KIFC3: variants seen among roughly 807,000 people sequenced by gnomAD.
KIFC3 encodes kinesin family member C3.
A neutral mutation model predicts 101.8 loss-of-function variants in KIFC3; 60 were observed. The observed-to-expected ratio is 0.59, with a 90% confidence interval of 0.48 to 0.73. KIFC3 has a LOEUF of 0.73. KIFC3 is among the 30% of genes least tolerant of loss of function. The pLI, the probability that KIFC3 is intolerant of heterozygous loss-of-function variation, is 0.00. For missense variants in KIFC3, 966 were observed against 1,137.1 expected, an observed-to-expected ratio of 0.85 and a Z score of 2.16; for synonymous variants, 476 against 482.7, an observed-to-expected ratio of 0.99 and a Z score of 0.18.
At chr16:57,813,234 A>G in intron 1 of KIFC3, among the ~76,000 whole-genome samples, 1 of 152,134 alleles carries the variant, frequency 6.6e-6, no homozygotes, top group East Asian at 1.9e-4. Flanking sequence ...AGGCTGAGGC[A>G]GGCGAATCAC....
chr16:57,835,857 TGAAA>T (rs1340498613), intron 1 of KIFC3, among the ~76,000 whole-genome samples: 5 of 152,090 alleles, frequency 3.3e-5, no homozygotes, highest in African/African-American at 1.2e-4. Context: ...GGCTAAGGCG[TGAAA>T]ATGGCTTGAA....
At chr16:57,847,867 C>A (rs370304609) in intron 1 of KIFC3, among the ~76,000 whole-genome samples, 6 of 150,840 alleles carry the variant, frequency 4.0e-5, no homozygotes, top group East Asian at 2.0e-4. Context: ...CTCGCTGCAA[C>A]CTCTGCCTCC....
intron 3 of KIFC3, chr16:57,788,547 G>A (rs950719100): frequency 3.0e-5 from 38 of 1,277,758 alleles, no homozygotes; most frequent in Admixed American, 2.6e-4. Context: ...ACTGGGGAGT[G>A]CCGGTTTGGC....
chr16:57,778,361 T>C (rs1237188546), intron 3 of KIFC3, among the ~76,000 whole-genome samples: 1 of 152,042 alleles, frequency 6.6e-6, no homozygotes, highest in Non-Finnish European at 1.5e-5. Context: ...GAGGAGAAAA[T>C]GTCATGACAT....
intron 1 of KIFC3, among the ~76,000 whole-genome samples, chr16:57,844,516 G>A (rs1307325638): frequency 6.6e-6 from 1 of 151,796 alleles, no homozygotes; most frequent in African/African-American, 2.4e-5. Context: ...ATAGCCTCGT[G>A]TCTCTGAGAT....
chr16:57,829,342 C>T (rs1230077971), intron 1 of KIFC3, among the ~76,000 whole-genome samples: 3 of 152,182 alleles, frequency 2.0e-5, no homozygotes, highest in African/African-American at 7.2e-5. Context: ...CAGCCTCGAC[C>T]TCCTGGGCTC....
intron 1 of KIFC3, among the ~76,000 whole-genome samples, chr16:57,854,030 T>A (rs1005433111): frequency 6.6e-6 from 1 of 151,920 alleles, no homozygotes; most frequent in East Asian, 1.9e-4. Context: ...TAGCCTCGAC[T>A]TCCCAGGCTC....
At chr16:57,772,929 T>C (rs1454332404) in intron 3 of KIFC3, among the ~76,000 whole-genome samples, 3 of 152,104 alleles carry the variant, frequency 2.0e-5, no homozygotes, top group African/African-American at 7.2e-5. Context: ...GAAGCCACGG[T>C]TACCTAGCTT....
Position 57,769,718 on chromosome 16 carries a change from C to A in KIFC3, c.1095G>T (p.Arg365=). Residue 365 remains arginine, a synonymous_variant, in exon 9 of 20, where the codon CGG becomes CGT. Transcript: ENST00000445690. The surrounding 1 kb of genome is among the most constrained non-coding windows in gnomAD (Gnocchi z 4.3). The part of the protein sequence containing the change: ...KAVHENLAGV[R]TNLLTLQPAL... ...CCGGCTGCAAGGTCAGCAAGTTGGTCCGGACGCCTATGGGGACACTCGGGC... is the reference window on the plus strand; with the variant it reads ...CCGGCTGCAAGGTCAGCAAGTTGGTACGGACGCCTATGGGGACACTCGGGC... The A allele has an allele frequency of 6.2e-7, 1 of 1,613,080 alleles. No individual in the cohort carries two copies. The highest frequency in any genetic ancestry group is 8.5e-7 in the Non-Finnish European group (1 of 1,179,918).
chr16:57,761,761 C>T (rs966315430), intron 13 of KIFC3, among the ~76,000 whole-genome samples: 2 of 152,122 alleles, frequency 1.3e-5, no homozygotes, highest in Non-Finnish European at 2.9e-5. Context: ...CCTAGCTGCC[C>T]ACTCTCACCC....
chr16:57,794,769 C>T, intron 3 of KIFC3, among the ~76,000 whole-genome samples: 1 of 152,320 alleles, frequency 6.6e-6, no homozygotes, highest in South Asian at 2.1e-4. Flanking sequence ...CATTTTAACA[C>T]CTCAGCCAGG....
At chr16:57,778,094 C>A (rs2052328818) in intron 3 of KIFC3, among the ~76,000 whole-genome samples, 1 of 152,162 alleles carries the variant, frequency 6.6e-6, no homozygotes, top group Non-Finnish European at 1.5e-5. Context: ...GCCTGGGCAA[C>A]ATAGGGAAAC....
chr16:57,774,692 T>G, intron 3 of KIFC3: 1 of 311,446 alleles, frequency 3.2e-6, no homozygotes, highest in Non-Finnish European at 5.8e-6. Context: ...CCGGCTAATT[T>G]TTTTTTTTTT....
In KIFC3 at chr16:57,758,661, G is replaced by A; in HGVS notation, c.*273C>T. On this transcript the variant is annotated 3_prime_UTR_variant, in exon 20 of 20. Transcript: ENST00000445690. ...CGGGGCCCAGTTCGCTGATGGCCCA[G>A]GCCTGCCAGGAAGAGCAGCCACCCC... 1 of 705,628 alleles carries A rather than the reference G, an allele frequency of 1.4e-6. No homozygotes were observed. Among genetic ancestry groups the A allele is most frequent in the Non-Finnish European group, 2.6e-6 (1 of 388,754 alleles). The allele number at this position is 705,628 out of a possible 1,614,324, so 43.7% of individuals were successfully genotyped here.
chr16:57,813,546 C>T (rs1265933594), intron 1 of KIFC3: 1 of 339,180 alleles, frequency 2.9e-6, no homozygotes, highest in Admixed American at 6.4e-5. Context: ...ATGCCCCTGT[C>T]TTAAGTGAAC....
chr16:57,769,450 C>T lies in KIFC3; in HGVS notation c.1218+145G>A. The T allele has an allele frequency of 3.1e-6, 3 of 975,638 alleles. No individual in the cohort carries two copies. The highest frequency in any genetic ancestry group is 4.5e-6 in the Non-Finnish European group (3 of 673,760). 60.4% of individuals were successfully genotyped at this position (975,638 alleles called of 1,614,324 possible). Reference sequence around the variant, plus strand: ...TAGTTTCAAACAGGGCCTATAAGGGCAGCAGTAAGTGTCATGGGGGGTGGG... The same window carrying T: ...TAGTTTCAAACAGGGCCTATAAGGGTAGCAGTAAGTGTCATGGGGGGTGGG... On this transcript the variant is annotated intron_variant, in intron 9 of 19. Transcript: ENST00000445690. This position sits in a 1 kb window ranked among gnomAD's most constrained non-coding sequence, Gnocchi z 4.3.
chr16:57,835,147 C>T (rs1389983474), intron 1 of KIFC3, among the ~76,000 whole-genome samples: 9 of 152,158 alleles, frequency 5.9e-5, no homozygotes, highest in African/African-American at 2.2e-4. Flanking sequence ...GAGATGCTGC[C>T]TCTTCCCCAA....
At chr16:57,775,187 G>A (rs1420138903) in intron 3 of KIFC3, 10 of 1,334,578 alleles carry the variant, frequency 7.5e-6, no homozygotes, top group African/African-American at 1.5e-5. Context: ...CCAAAAGGAA[G>A]TGGCCGCAAC....
intron 1 of KIFC3, chr16:57,816,089 G>T (rs2055216485): frequency 1.3e-6 from 1 of 754,688 alleles, no homozygotes; most frequent in African/African-American, 1.9e-5. Context: ...CCACAGGAAG[G>T]ATGTGGTCAA....
Sources: allele counts gnomAD v4.1 joint callset (sites outside exome capture counted in the v4.1 genomes callset), GRCh38; gene constraint gnomAD v4.1.1; non-coding constraint Gnocchi (gnomAD v3.1); transcripts MANE v1.5; gene names NCBI Gene and HGNC (gene_info 2026-07-23, HGNC 2026-07-21).